TAOK1: variants seen among roughly 807,000 people sequenced by gnomAD.
The protein encoded by TAOK1 is TAO kinase 1, also known as serine/threonine-protein kinase TAO1.
In TAOK1, 21 loss-of-function variants were observed where a neutral mutation model predicts 138.3. The ratio of observed to expected loss-of-function variants is 0.15; its 90% CI spans 0.11 to 0.22. TAOK1 has a LOEUF of 0.22. TAOK1 is among the 10% of genes least tolerant of loss of function. The pLI, the probability that TAOK1 is intolerant of heterozygous loss-of-function variation, is 1.00. For missense variants in TAOK1, 651 were observed against 1,227.7 expected (o/e 0.53, Z 7.02); for synonymous variants, 361 against 398.4 (o/e 0.91, Z 1.12).
At chr17:29,448,614 CTT>C (rs962111098) in intron 1 of TAOK1, among the ~76,000 whole-genome samples, 4 of 152,108 alleles carry the variant, frequency 2.6e-5, no homozygotes, top group Non-Finnish European at 4.4e-5. Context: ...CTAATTATCT[CTT>C]GTCTCTCTGA....
intron 8 of TAOK1, 57 bp from the exon 9 acceptor site, chr17:29,489,607 C>A: frequency 8.7e-7 from 1 of 1,154,708 alleles, no homozygotes; most frequent in South Asian, 1.6e-5. Context: ...AAAACGTGCC[C>A]AGGACTTGAG....
rs1225167592 is a variant in TAOK1 at position 29,549,793 on chromosome 17, T to C, written c.*6771T>C. ...GGTGTATTGCCAGACAGCTCTCTTT[T>C]GGTTCCCATTCCAAATGTGCTGCTG... On this transcript the variant is annotated 3_prime_UTR_variant, in exon 20 of 20. Coordinates refer to ENST00000261716, the MANE Select transcript of TAOK1 (RefSeq NM_020791.4). 6.6e-6 allele frequency: 1 copy of C among 152,210 alleles called. No homozygotes were observed. Among genetic ancestry groups the C allele is most frequent in the Non-Finnish European group, 1.5e-5 (1 of 68,030 alleles). 9.4% of individuals were successfully genotyped at this position (152,210 alleles called of 1,614,324 possible).
chr17:29,472,839 G>A (rs1298276724), intron 3 of TAOK1, among the ~76,000 whole-genome samples: 3 of 152,192 alleles, frequency 2.0e-5, no homozygotes, highest in Non-Finnish European at 2.9e-5. Context: ...GCCTCCCAAA[G>A]TGCTGGGATT....
chr17:29,445,880 G>A (rs147028728), intron 1 of TAOK1, among the ~76,000 whole-genome samples: 1 of 152,048 alleles, frequency 6.6e-6, no homozygotes, highest in African/African-American at 2.4e-5. Flanking sequence ...TGTAGAATTG[G>A]TATTTTTTTT....
chr17:29,508,067 C>A lies in TAOK1; in HGVS notation c.1510C>A (p.Arg504Ser). 6.2e-7 allele frequency: 1 copy of A among 1,614,032 alleles called. No homozygotes were observed. Among genetic ancestry groups the A allele is most frequent in the Non-Finnish European group, 8.5e-7 (1 of 1,179,960 alleles). ...LRLDKDLETQ[R>S]NNFAAEMEKL... is the part of the protein sequence containing the mutation. ...ATTAGACAAAGATCTTGAAACTCAG[C>A]GTAACAATTTTGCTGCAGAAATGGA... is the stretch of plus-strand genomic sequence containing the variant. Residue 504 changes from arginine to serine, a missense_variant, in exon 14 of 20, where the codon CGT becomes AGT. Arg to Ser is a moderately radical substitution (Grantham distance 110). Coordinates refer to ENST00000261716, the MANE Select transcript of TAOK1 (RefSeq NM_020791.4).
chr17:29,469,797 AT>A (rs2030770192), intron 3 of TAOK1, among the ~76,000 whole-genome samples: 1 of 152,098 alleles, frequency 6.6e-6, no homozygotes, highest in Non-Finnish European at 1.5e-5. Context: ...CTTCATGAAA[AT>A]TTTTTTATGT....
At chr17:29,522,845 C>T (rs977236232) in intron 17 of TAOK1, among the ~76,000 whole-genome samples, 12 of 152,076 alleles carry the variant, frequency 7.9e-5, no homozygotes, top group African/African-American at 2.4e-4. Context: ...GAGGCCAAGG[C>T]GGGTGGATCA....
chr17:29,501,117 G>T (rs958637292), intron 12 of TAOK1, among the ~76,000 whole-genome samples: 1 of 151,500 alleles, frequency 6.6e-6, no homozygotes, highest in Non-Finnish European at 1.5e-5. Context: ...GGGCACTGTG[G>T]CTCATTCCTA....
chr17:29,425,463 G>C (rs1292258759), intron 1 of TAOK1, among the ~76,000 whole-genome samples: 2 of 152,208 alleles, frequency 1.3e-5, no homozygotes, highest in African/African-American at 4.8e-5. Flanking sequence ...TGGACAGCTT[G>C]AGTTCACGAG....
chr17:29,510,824 T>C (rs1250775461), intron 14 of TAOK1, 40 bp from the exon 15 acceptor site: 1 of 1,466,998 alleles, frequency 6.8e-7, no homozygotes, highest in Non-Finnish European at 9.2e-7. Context: ...CTACTTTATC[T>C]ACTTAACTAA....
intron 1 of TAOK1, among the ~76,000 whole-genome samples, chr17:29,418,992 G>A (rs1222145592): frequency 6.8e-6 from 1 of 148,044 alleles, no homozygotes; most frequent in Non-Finnish European, 1.5e-5. Context: ...AAAAAAGGCT[G>A]CTGGTTTTTT....
intron 1 of TAOK1, among the ~76,000 whole-genome samples, chr17:29,439,996 G>A (rs889950303): frequency 6.6e-6 from 1 of 151,818 alleles, no homozygotes; most frequent in South Asian, 2.1e-4. Flanking sequence ...AATCTTTTAG[G>A]AGAATGTCTT....
intron 2 of TAOK1, among the ~76,000 whole-genome samples, chr17:29,458,264 G>A (rs2030442267): frequency 6.6e-6 from 1 of 152,186 alleles, no homozygotes; most frequent in Non-Finnish European, 1.5e-5. Context: ...TTTTATGGAT[G>A]TTTTGATTTC....
chr17:29,510,523 A>G (rs906601444), intron 14 of TAOK1, among the ~76,000 whole-genome samples: 2 of 152,220 alleles, frequency 1.3e-5, no homozygotes, highest in African/African-American at 4.8e-5. Context: ...TGTATTGCAT[A>G]TAGAATCAGA....
At position 29,510,958 on chromosome 17, in the gene TAOK1, G is replaced by C. The variant is rs2031709327; in HGVS notation, c.1670G>C (p.Arg557Thr). Residue 557 changes from arginine to threonine, a missense_variant, in exon 15 of 20, where the codon AGA (arginine) becomes ACA (threonine). Transcript: ENST00000261716. ...AATAGTTTTCTCGAGTCCCAGAAAA[G>C]AGAGTATAAACTTCGAAAAGAGCAG... ...ELNSFLESQK[R>T]EYKLRKEQLK... The C allele has an allele frequency of 6.2e-7, 1 of 1,608,666 alleles. No individual in the cohort carries two copies. The highest frequency in any genetic ancestry group is 8.5e-7 in the Non-Finnish European group (1 of 1,177,920).
At chr17:29,466,853 A>G (rs147557598) in intron 2 of TAOK1, among the ~76,000 whole-genome samples, 197 of 152,086 alleles carry the variant, frequency 1.3e-3, no homozygotes, top group African/African-American at 4.6e-3. Context: ...CTTGTATTGC[A>G]TTGTCTCTTT....
At chr17:29,436,229 G>A (rs2153023045) in intron 1 of TAOK1, among the ~76,000 whole-genome samples, 1 of 152,290 alleles carries the variant, frequency 6.6e-6, no homozygotes, top group South Asian at 2.1e-4. Flanking sequence ...CAGGCGGAGA[G>A]AAACATAACA....
At chr17:29,411,861 T>C (rs1474920851) in intron 1 of TAOK1, among the ~76,000 whole-genome samples, 1 of 152,200 alleles carries the variant, frequency 6.6e-6, no homozygotes, top group Non-Finnish European at 1.5e-5. Flanking sequence ...CTCGTGTCCC[T>C]TCTCCCTTAA....
intron 11 of TAOK1, among the ~76,000 whole-genome samples, chr17:29,497,519 G>T (rs1367981293): frequency 6.6e-6 from 1 of 152,008 alleles, no homozygotes; most frequent in Non-Finnish European, 1.5e-5. Context: ...AAGAATTCTG[G>T]TATGGTAAGA....
Sources: allele counts gnomAD v4.1 joint callset (sites outside exome capture counted in the v4.1 genomes callset), GRCh38; gene constraint gnomAD v4.1.1; transcripts MANE v1.5; gene names NCBI Gene and HGNC (gene_info 2026-07-23, HGNC 2026-07-21).